The following ZWILCH variants were observed in gnomAD, a reference collection of about 807,000 sequenced individuals.
ZWILCH encodes zwilch kinetochore protein.
A neutral mutation model predicts 79.9 loss-of-function variants in ZWILCH; 74 were observed. The observed-to-expected ratio is 0.93, with a 90% CI of 0.77 to 1.12. The LOEUF (loss-of-function observed/expected upper bound fraction) is 1.12, where lower values mean the gene tolerates loss of function less well. ZWILCH is among the 50% of genes most tolerant of loss of function. The pLI, the probability that ZWILCH is intolerant of heterozygous loss-of-function variation, is 0.00. For synonymous variants in ZWILCH, 241 were observed against 228.2 expected (o/e 1.06, Z -0.51); for missense variants, 694 against 687.5 (o/e 1.01, Z -0.11).
At chr15:66,532,801 C>T (rs1894895323) in intron 13 of ZWILCH, among the ~76,000 whole-genome samples, 184 bp from the exon 14 acceptor site, 1 of 151,348 alleles carries the variant, frequency 6.6e-6, no homozygotes, top group African/African-American at 2.4e-5. Flanking sequence ...GAAACTTGGC[C>T]TTTTGTGAGG....
At chr15:66,512,318 G>C (rs4584770) in intron 2 of ZWILCH, among the ~76,000 whole-genome samples, 2 of 151,904 alleles carry the variant, frequency 1.3e-5, no homozygotes, top group South Asian at 4.2e-4. Flanking sequence ...AAGTTCAGTA[G>C]TATGATCAAA....
At chr15:66,542,516 C>T (rs1895224747) in intron 17 of ZWILCH, among the ~76,000 whole-genome samples, 6 of 152,168 alleles carry the variant, frequency 3.9e-5, no homozygotes, top group African/African-American at 7.2e-5. Flanking sequence ...ACCTGGGAGG[C>T]GGAGGTTGCT....
chr15:66,507,800 G>A (rs755560205), intron 1 of ZWILCH, among the ~76,000 whole-genome samples: 14 of 152,098 alleles, frequency 9.2e-5, no homozygotes, highest in Non-Finnish European at 1.9e-4. Context: ...CGGCGTGGTG[G>A]CAGGCTCCTG....
At position 66,548,413 on chromosome 15, in the gene ZWILCH, A is replaced by G; in HGVS notation, c.*89A>G. ...TTGTAGAACCTGAAAACAGCAATGT[A>G]TGGAAACCCTCAAAGCAGAAAAGGG... On this transcript the variant is annotated 3_prime_UTR_variant, in exon 19 of 19. Transcript: ENST00000307897. 1.5e-6 allele frequency: 1 copy of G among 685,868 alleles called. No homozygotes were observed. Among genetic ancestry groups the G allele is most frequent in the Non-Finnish European group, 2.5e-6 (1 of 402,270 alleles). The allele number at this position is 685,868 out of a possible 1,614,324, so 42.5% of individuals were successfully genotyped here. A position where few individuals can be genotyped will look rare whatever the true frequency, so the allele number is the denominator to read the frequency against.
At chr15:66,533,096 T>A in intron 14 of ZWILCH, 83 bp downstream of exon 14, 1 of 917,388 alleles carries the variant, frequency 1.1e-6, no homozygotes, top group Non-Finnish European at 1.7e-6. Context: ...AATAATATGC[T>A]AGCCACTGTC....
At chr15:66,543,788 C>A (rs1462499871) in intron 17 of ZWILCH, among the ~76,000 whole-genome samples, 2 of 151,672 alleles carry the variant, frequency 1.3e-5, no homozygotes, top group Admixed American at 1.3e-4. Context: ...GTTGCTCATG[C>A]CAAGTAAATC....
At chr15:66,546,250 C>A (rs1895367188) in intron 17 of ZWILCH, among the ~76,000 whole-genome samples, 1 of 152,090 alleles carries the variant, frequency 6.6e-6, no homozygotes, top group African/African-American at 2.4e-5. Context: ...AATAGAAATT[C>A]TTTTCTGAAA....
In ZWILCH at chr15:66,515,757, C is replaced by G. The variant is rs990845798; in HGVS notation, c.320+113C>G. On this transcript the variant is annotated intron_variant, in intron 4 of 18. Transcript: ENST00000307897. The stretch of plus-strand genomic sequence containing the variant: ...CCCTTATATCTTCCTTCATCTCCCC[C>G]ACCCCCTGATAAGTATACCCAACTA... 3.3e-5 allele frequency: 25 copies of G among 754,436 alleles called. No homozygotes were observed. The Admixed American group carries it at 5.6e-4, about 17-fold the overall frequency. 46.7% of individuals were successfully genotyped at this position (754,436 alleles called of 1,614,324 possible).
intron 4 of ZWILCH, among the ~76,000 whole-genome samples, chr15:66,518,279 C>G (rs1354451212): frequency 6.9e-6 from 1 of 145,742 alleles, no homozygotes; most frequent in Non-Finnish European, 1.5e-5. Context: ...TCTGTGAGAC[C>G]TCTCGTGTCT....
At chr15:66,521,336 C>T (rs1432776975) in intron 7 of ZWILCH, 131 bp downstream of exon 7, 13 of 994,818 alleles carry the variant, frequency 1.3e-5, no homozygotes, top group Non-Finnish European at 1.9e-5. Context: ...TCTGAAAGGC[C>T]CACCTTGCCA....
intron 16 of ZWILCH, among the ~76,000 whole-genome samples, chr15:66,538,630 C>G (rs12909798): frequency 0.2 from 29,784 of 152,150 alleles, 3,021 homozygotes; most frequent in East Asian, 0.37. Context: ...ATCCGACCAC[C>G]TGAGCCTCCC....
intron 1 of ZWILCH, among the ~76,000 whole-genome samples, chr15:66,506,498 G>A (rs1291572808): frequency 6.6e-6 from 1 of 152,210 alleles, no homozygotes; most frequent in South Asian, 2.1e-4. Flanking sequence ...GCAAGACCCC[G>A]TCTCTACTAA....
intron 1 of ZWILCH, 115 bp downstream of exon 1, chr15:66,505,506 T>A (rs1334135342): frequency 1.5e-6 from 2 of 1,330,086 alleles, no homozygotes; most frequent in African/African-American, 1.5e-5. Context: ...TTGCCAGCTT[T>A]CCTGGGGTCC....
chr15:66,541,712 C>G (rs1193974741), intron 17 of ZWILCH, among the ~76,000 whole-genome samples: 3 of 152,110 alleles, frequency 2.0e-5, no homozygotes, highest in Non-Finnish European at 2.9e-5. Context: ...GTGGGTTGTA[C>G]GGTGCTGTTG....
chr15:66,531,829 G>A (rs1202399884), intron 12 of ZWILCH, among the ~76,000 whole-genome samples: 1 of 152,100 alleles, frequency 6.6e-6, no homozygotes, highest in Non-Finnish European at 1.5e-5. Flanking sequence ...AGCACTTTGG[G>A]AGTCCGACGC....
At position 66,523,707 on chromosome 15, in the gene ZWILCH, G is replaced by C. The variant is rs773342931; in HGVS notation, c.778G>C (p.Gly260Arg). Reference sequence around the variant, plus strand: ...TAAAGTGGAATCAGGAGAGCCCAGAGGTCCTTTGAATCATCTCTACAGAGA... The same window carrying C: ...TAAAGTGGAATCAGGAGAGCCCAGACGTCCTTTGAATCATCTCTACAGAGA... ...NIKVESGEPR[G>R]PLNHLYRELK... The change falls in exon 8 of 19, where the codon GGT becomes CGT. Residue 260 changes from glycine to arginine, a missense_variant. By Grantham distance (125) the Gly-to-Arg change is moderately radical (BLOSUM62 -2). Coordinates refer to ENST00000307897, the MANE Select transcript of ZWILCH (RefSeq NM_017975.5). 1 of 1,612,248 alleles carries C rather than the reference G, an allele frequency of 6.2e-7. No homozygotes were observed. The highest frequency in any genetic ancestry group is 8.5e-7 in the Non-Finnish European group (1 of 1,178,822).
rs7164928 is a variant in ZWILCH, at chr15:66,549,808, G to T, written c.*1484G>T. On this transcript the variant is annotated 3_prime_UTR_variant, in exon 19 of 19. Transcript: ENST00000307897. ...TAAATTTATAGGTATGATTCTGAAA[G>T]AATAAAACTTGAATGGATAAAATGG... The T allele has an allele frequency of 8.4e-3, 3,033 of 359,340 alleles. 22 individuals are homozygous for T. The highest frequency in any genetic ancestry group is 0.013 in the Non-Finnish European group (2,545 of 200,386). The allele number at this position is 359,340 out of a possible 1,614,324, so 22.3% of individuals were successfully genotyped here.
intron 12 of ZWILCH, among the ~76,000 whole-genome samples, chr15:66,530,889 T>G (rs28438847): frequency 6.6e-6 from 1 of 152,182 alleles, no homozygotes; most frequent in African/African-American, 2.4e-5. Context: ...TTCTAGGCAT[T>G]TTAGTTTTAG....
rs745904715 is a variant in ZWILCH at position 66,518,923 on chromosome 15, C to T, written c.365C>T (p.Thr122Ile). Residue 122 changes from threonine (T) to isoleucine (I), a missense_variant, in exon 5 of 19, where the codon ACC becomes ATC. Coordinates refer to ENST00000307897, the MANE Select transcript of ZWILCH (RefSeq NM_017975.5). Reference sequence around the variant, plus strand: ...ACCATGGCTCACAATCCTAATATGACCCATTTGAAGATTAATCTGCCAGTT... The same window carrying T: ...ACCATGGCTCACAATCCTAATATGATCCATTTGAAGATTAATCTGCCAGTT... ...LYTMAHNPNM[T>I]HLKINLPVTA... The T allele has an allele frequency of 8.7e-6, 14 of 1,614,092 alleles. No individual in the cohort carries two copies. The Middle Eastern group carries it at 4.9e-4, about 57-fold the overall frequency.
Sources: gnomAD v4.1 joint callset for allele counts (sites outside exome capture counted in the v4.1 genomes callset) on GRCh38, gnomAD v4.1.1 for gene constraint, MANE v1.5 for transcripts, NCBI Gene and HGNC (gene_info 2026-07-23, HGNC 2026-07-21) for gene names.